Variants in ZNF83 observed in about 807,000 individuals in gnomAD.
ZNF83 encodes zinc finger protein 83, also known as zinc finger protein 816B.
For synonymous variants in ZNF83, 209 were observed against 213.0 expected, an observed-to-expected ratio of 0.98 and a Z score of 0.17; for missense variants, 552 against 629.9, an observed-to-expected ratio of 0.88 and a Z score of 1.32.
At chr19:52,682,124 G>GC (rs2061932343) in intron 1 of ZNF83, among the ~76,000 whole-genome samples, 1 of 152,068 alleles carries the variant, frequency 6.6e-6, no homozygotes, top group Non-Finnish European at 1.5e-5. Flanking sequence ...GGGATTACGG[G>GC]CATGAGCCAC....
intron 1 of ZNF83, among the ~76,000 whole-genome samples, chr19:52,678,449 C>A (rs1331835161): frequency 8.1e-3 from 888 of 109,118 alleles, no homozygotes; most frequent in East Asian, 9.9e-3. Context: ...GACTTCATCT[C>A]AAAAAAAAAA....
At chr19:52,664,412 G>A (rs939334027) in intron 1 of ZNF83, among the ~76,000 whole-genome samples, 21 of 151,972 alleles carry the variant, frequency 1.4e-4, no homozygotes, top group African/African-American at 5.1e-4. Flanking sequence ...GGGAGGATCC[G>A]TTGAACCCAG....
At chr19:52,613,957 T>C in exon 3 of ZNF83, 2 of 1,613,554 alleles carry the variant, frequency 1.2e-6, no homozygotes, top group Non-Finnish European at 1.7e-6. Context: ...TTTATAAGGT[T>C]TCTCTCCGGT....
chr19:52,672,467 G>A (rs140184253), intron 1 of ZNF83, among the ~76,000 whole-genome samples: 8 of 152,266 alleles, frequency 5.3e-5, no homozygotes, highest in East Asian at 1.9e-4. Context: ...GCATAATGTC[G>A]TCAGGCATGG....
chr19:52,690,039 A>T (rs930849556), intron 1 of ZNF83, among the ~76,000 whole-genome samples: 25 of 152,148 alleles, frequency 1.6e-4, no homozygotes, highest in East Asian at 5.8e-4. Flanking sequence ...GGCAGAGGAC[A>T]CGGCCTCCCC....
intron 2 of ZNF83, among the ~76,000 whole-genome samples, chr19:52,630,681 C>T (rs978636111): frequency 4.6e-5 from 7 of 152,096 alleles, no homozygotes; most frequent in South Asian, 2.1e-4. Context: ...GGGACATCTC[C>T]ACTCCTTCCC....
At chr19:52,623,088 C>T (rs752278206) in intron 2 of ZNF83, among the ~76,000 whole-genome samples, 7 of 152,348 alleles carry the variant, frequency 4.6e-5, no homozygotes, top group East Asian at 1.9e-4. Context: ...TCCCAAGCCA[C>T]GTCCCATCTG....
chr19:52,653,927 C>T lies in ZNF83; in HGVS notation c.-74+1634G>A, dbSNP rs866382582. The T allele has an allele frequency of 4.6e-5, 49 of 1,069,606 alleles. 3 individuals carry two copies. The Middle Eastern group carries it at 2.9e-3, about 64-fold the overall frequency. The allele number at this position is 1,069,606 out of a possible 1,614,324, so 66.3% of individuals were successfully genotyped here. ...AAAGGTTTTTCTCTCATGTGTTCTT[C>T]CTGGATTTGTGTCAATAATGAAGAA... is the stretch of plus-strand genomic sequence containing the variant. On this transcript the variant is annotated intron_variant, in intron 3 of 5. Coordinates refer to the ZNF83 transcript ENST00000594682.
At chr19:52,612,673 GT>G (rs2060144690) in exon 3 of ZNF83, 1 of 260,634 alleles carries the variant, frequency 3.8e-6, no homozygotes, top group African/African-American at 2.2e-5. Flanking sequence ...AGTCATAATG[GT>G]TTCCCACTCT....
chr19:52,652,916 G>T, intron 3 of ZNF83: 2 of 1,141,336 alleles, frequency 1.8e-6, no homozygotes, highest in Non-Finnish European at 2.6e-6. Flanking sequence ...CCACTATGAA[G>T]TCTATAATGG....
At chr19:52,631,933 AG>A (rs1213879940) in intron 2 of ZNF83, among the ~76,000 whole-genome samples, 141 of 118,838 alleles carry the variant, frequency 1.2e-3, no homozygotes, top group African/African-American at 4.4e-3. Flanking sequence ...GGGATTATTC[AG>A]GCCCCCCTCC....
intron 1 of ZNF83, among the ~76,000 whole-genome samples, chr19:52,685,016 C>T (rs1020491849): frequency 5.3e-5 from 8 of 152,194 alleles, no homozygotes; most frequent in African/African-American, 1.4e-4. Context: ...AGAAAGGCCC[C>T]GAAGATGGTC....
chr19:52,622,582 G>A (rs1163688277), intron 2 of ZNF83, among the ~76,000 whole-genome samples: 1 of 152,086 alleles, frequency 6.6e-6, no homozygotes, highest in Non-Finnish European at 1.5e-5. Context: ...CTGCCTAGTT[G>A]AAGTGCTTAA....
Position 52,678,422 on chromosome 19 carries a change from C to T in ZNF83, c.-283+12021G>A, listed in dbSNP as rs914545890. Among the ~76,000 whole-genome samples the T allele has an allele frequency of 7.6e-5, 11 of 144,670 alleles. No individual in the cohort carries two copies. The East Asian group carries it at 1.0e-3, about 13-fold the overall frequency. The allele number at this position is 144,670 out of a possible 152,430, so 94.9% of individuals were successfully genotyped here. A position where few individuals can be genotyped will look rare whatever the true frequency, so the allele number is the denominator to read the frequency against. On this transcript the variant is annotated intron_variant, in intron 1 of 5. Transcript: ENST00000594682. ...CTGAGATTGCACCATTGCACTCCAG[C>T]CTGGGTGACAGAGCGAGACTTCATC...
rs1271911095 is a variant in ZNF83 at position 52,685,937 on chromosome 19, CTTCTGGAACAGCA to C, written c.-283+4493_-283+4505del. Reference sequence around the variant, plus strand: ...AAAAAAAAAAAAAAATACAGGAGTGCTTCTGGAACAGCATTCCATGCCAATCCAACCCATCTTT... The same window carrying C: ...AAAAAAAAAAAAAAATACAGGAGTGCTTCCATGCCAATCCAACCCATCTTT... On this transcript the variant is annotated intron_variant, in intron 1 of 5. Transcript: ENST00000594682. 5.9e-4 allele frequency among the ~76,000 whole-genome samples: 89 copies of C among 150,086 alleles called. 2 individuals are homozygous for C. Among genetic ancestry groups the C allele is most frequent in the African/African-American group, 2.0e-3 (83 of 41,224 alleles).
At chr19:52,670,000 T>C (rs1027979157) in intron 1 of ZNF83, among the ~76,000 whole-genome samples, 8 of 152,228 alleles carry the variant, frequency 5.3e-5, no homozygotes, top group African/African-American at 1.7e-4. Context: ...CTAAATTTCT[T>C]TTCAAAGAAT....
intron 2 of ZNF83, among the ~76,000 whole-genome samples, chr19:52,631,710 T>TATTTCCTTC (rs1323061630): frequency 6.6e-6 from 1 of 152,154 alleles, no homozygotes; most frequent in Non-Finnish European, 1.5e-5. Flanking sequence ...CATTTCCCCA[T>TATTTCCTTC]ATTTCCTTCT....
At chr19:52,688,506 ATT>A (rs1251558971) in intron 1 of ZNF83, among the ~76,000 whole-genome samples, 1 of 150,674 alleles carries the variant, frequency 6.6e-6, no homozygotes, top group African/African-American at 2.4e-5. Flanking sequence ...TCCTTCCCTG[ATT>A]CTGTACGTAT....
chr19:52,659,959 G>A (rs770797264), intron 2 of ZNF83, among the ~76,000 whole-genome samples: 2 of 152,192 alleles, frequency 1.3e-5, no homozygotes, highest in African/African-American at 2.4e-5. Context: ...TTGGGAGGCT[G>A]AGGCGGGCAG....
Sources: allele counts gnomAD v4.1 joint callset (sites outside exome capture counted in the v4.1 genomes callset), GRCh38; gene constraint gnomAD v4.1.1; transcripts MANE v1.5; gene names NCBI Gene and HGNC (gene_info 2026-07-23, HGNC 2026-07-21).